Variants in GPR137C observed in about 807,000 individuals in gnomAD.
The protein encoded by GPR137C is G protein-coupled receptor 137C.
In GPR137C, 27 loss-of-function variants were observed where a neutral mutation model predicts 43.4. The ratio of observed to expected loss-of-function variants is 0.62; its 90% confidence interval spans 0.46 to 0.86. The LOEUF (loss-of-function observed/expected upper bound fraction) is 0.86, where lower values mean the gene tolerates loss of function less well. Among genes scored for constraint, GPR137C ranks in the 40% least tolerant of loss-of-function variants. The pLI is 0.00. For missense variants in GPR137C, 522 were observed against 534.6 expected (o/e 0.98, Z 0.23); for synonymous variants, 285 against 226.9 (o/e 1.26, Z -2.30).
Position 52,553,106 on chromosome 14 carries a change from C to T in GPR137C, c.-42C>T. ...CTTCGACGGCGGCTCCGAGTCCAGC[C>T]CCTTCCTTCCCGCGCTCGCTCGCCC... On this transcript the variant is annotated 5_prime_UTR_variant, in exon 1 of 7. Transcript: ENST00000321662. 1 of 1,092,542 alleles carries T rather than the reference C, an allele frequency of 9.2e-7. No homozygotes were observed. Among genetic ancestry groups the T allele is most frequent in the Non-Finnish European group, 1.1e-6 (1 of 884,650 alleles). 67.7% of individuals were successfully genotyped at this position (1,092,542 alleles called of 1,614,324 possible). A position where few individuals can be genotyped will look rare whatever the true frequency, so the allele number is the denominator to read the frequency against.
At chr14:52,609,635 G>A (rs182513359) in intron 3 of GPR137C, among the ~76,000 whole-genome samples, 275 of 152,314 alleles carry the variant, frequency 1.8e-3, no homozygotes, top group Non-Finnish European at 2.9e-3. Context: ...ACTGGAGGAC[G>A]CTCTAAGCCT....
intron 1 of GPR137C, among the ~76,000 whole-genome samples, chr14:52,589,461 A>C (rs998121450): frequency 6.6e-6 from 1 of 152,242 alleles, no homozygotes; most frequent in African/African-American, 2.4e-5. Flanking sequence ...TCAAATGAAC[A>C]GTTATCATCT....
chr14:52,560,044 C>T (rs562820547), intron 1 of GPR137C, among the ~76,000 whole-genome samples: 5 of 152,212 alleles, frequency 3.3e-5, no homozygotes, highest in Admixed American at 2.0e-4. Context: ...GTAATTCCAG[C>T]TACTTGGGAG....
In GPR137C at chr14:52,633,621, T is replaced by C; in HGVS notation, c.959T>C (p.Leu320Pro). Residue 320 changes from leucine (L) to proline (P), a missense_variant, in exon 5 of 7, where the codon CTG (leucine) becomes CCG (proline). Around this residue, in one of 3 missense-constraint regions of GPR137C, gnomAD observed 437 missense variants for 425.7 expected, o/e 1.03. Coordinates refer to ENST00000321662, the MANE Select transcript of GPR137C (RefSeq NM_001099652.2). ...WEHVPAWSVV[L>P]FFRAQRLNQN... Reference sequence around the variant, plus strand: ...CATGTGCCAGCATGGTCGGTGGTACTGTTTTTCCGGGCACAGAGATTAAAC... The same window carrying C: ...CATGTGCCAGCATGGTCGGTGGTACCGTTTTTCCGGGCACAGAGATTAAAC... 1 of 1,613,192 alleles carries C rather than the reference T, an allele frequency of 6.2e-7. No homozygotes were observed.
At chr14:52,568,898 G>A (rs1302315598) in intron 1 of GPR137C, among the ~76,000 whole-genome samples, 1 of 152,240 alleles carries the variant, frequency 6.6e-6, no homozygotes, top group Non-Finnish European at 1.5e-5. Context: ...CTGCCTGCCG[G>A]CTCTTAAGAG....
intron 1 of GPR137C, among the ~76,000 whole-genome samples, chr14:52,583,877 C>G (rs2038679987): frequency 6.6e-6 from 1 of 152,172 alleles, no homozygotes; most frequent in Admixed American, 6.5e-5. Context: ...CCCTTCATTT[C>G]TATTTGAGCC....
Position 52,598,256 on chromosome 14 carries a change from T to A in GPR137C, c.445-16T>A. 8.3e-7 allele frequency: 1 copy of A among 1,208,316 alleles called. No homozygotes were observed. The highest frequency in any genetic ancestry group is 1.1e-6 in the Non-Finnish European group (1 of 879,634). 74.8% of individuals were successfully genotyped at this position (1,208,316 alleles called of 1,614,324 possible). On this transcript the variant is annotated splice_polypyrimidine_tract_variant and intron_variant, in intron 1 of 6. Coordinates refer to ENST00000321662, the MANE Select transcript of GPR137C (RefSeq NM_001099652.2). ...TTACACGTTTTCAAAATTTTTTTTTTATATTCTCTTTATAGGTTATATGTA... is the reference window on the plus strand; with the variant it reads ...TTACACGTTTTCAAAATTTTTTTTTAATATTCTCTTTATAGGTTATATGTA...
chr14:52,606,595 C>G (rs1048428317), intron 3 of GPR137C, among the ~76,000 whole-genome samples: 27 of 152,104 alleles, frequency 1.8e-4, no homozygotes, highest in Admixed American at 1.3e-4. Flanking sequence ...TGCCACCACA[C>G]CCAGCCAATT....
At chr14:52,610,896 T>C (rs1034364151) in intron 3 of GPR137C, among the ~76,000 whole-genome samples, 2 of 152,206 alleles carry the variant, frequency 1.3e-5, no homozygotes, top group Admixed American at 6.5e-5. Context: ...CCACCATGCA[T>C]TGACTCCATT....
intron 1 of GPR137C, among the ~76,000 whole-genome samples, chr14:52,596,545 C>T (rs113791958): frequency 1.3e-5 from 2 of 152,222 alleles, no homozygotes; most frequent in Non-Finnish European, 2.9e-5. Context: ...GCCCCTCCCC[C>T]TGCTGGGCTG....
At chr14:52,630,451 A>G (rs1040496260) in intron 3 of GPR137C, among the ~76,000 whole-genome samples, 1 of 148,062 alleles carries the variant, frequency 6.8e-6, no homozygotes, top group Non-Finnish European at 1.5e-5. Context: ...ATTAACTTTT[A>G]TTAACTTTTT....
At chr14:52,615,769 C>G (rs78982285) in intron 3 of GPR137C, among the ~76,000 whole-genome samples, 1 of 152,252 alleles carries the variant, frequency 6.6e-6, no homozygotes, top group African/African-American at 2.4e-5. Context: ...ACATTGTTGA[C>G]TGTTGGCATG....
intron 1 of GPR137C, among the ~76,000 whole-genome samples, chr14:52,560,823 A>G (rs1484218482): frequency 2.0e-5 from 3 of 152,212 alleles, no homozygotes; most frequent in Non-Finnish European, 4.4e-5. Context: ...TGGAGGAGGC[A>G]AAGGTTTTGC....
chr14:52,592,843 C>T (rs527786690), intron 1 of GPR137C, among the ~76,000 whole-genome samples: 4 of 152,186 alleles, frequency 2.6e-5, no homozygotes, highest in African/African-American at 9.6e-5. Flanking sequence ...GCCTGATTGC[C>T]CTGGCCAGAA....
rs1442736810 is a variant in GPR137C, at chr14:52,585,834, C to CA, written c.445-12428dup. Among the ~76,000 whole-genome samples, 980 of 143,574 alleles carry CA rather than the reference C, an allele frequency of 6.8e-3. 11 individuals are homozygous for CA. Among genetic ancestry groups the CA allele is most frequent in the African/African-American group, 0.021 (839 of 39,116 alleles). 94.2% of individuals were successfully genotyped at this position (143,574 alleles called of 152,430 possible). On this transcript the variant is annotated intron_variant, in intron 1 of 6. Transcript: ENST00000321662. ...TGGGCGATAGAGGGAGACTCAGTCT[C>CA]AAAAAAAAAAGAAAAGAAAAGAAAA...
chr14:52,625,664 C>T (rs753172131), intron 3 of GPR137C, among the ~76,000 whole-genome samples: 1 of 147,264 alleles, frequency 6.8e-6, no homozygotes, highest in African/African-American at 2.5e-5. Context: ...ACATCATTCT[C>T]CTGCCTCAGC....
At chr14:52,561,528 A>G (rs993454118) in intron 1 of GPR137C, among the ~76,000 whole-genome samples, 1 of 152,230 alleles carries the variant, frequency 6.6e-6, no homozygotes, top group Non-Finnish European at 1.5e-5. Flanking sequence ...AAACTTGAAC[A>G]TGGATGTACA....
At chr14:52,566,553 T>A (rs1386734309) in intron 1 of GPR137C, among the ~76,000 whole-genome samples, 1 of 152,228 alleles carries the variant, frequency 6.6e-6, no homozygotes, top group Non-Finnish European at 1.5e-5. Flanking sequence ...TTAAAAAATC[T>A]ATTCTGAAAA....
chr14:52,567,816 C>T (rs1339333673), intron 1 of GPR137C, among the ~76,000 whole-genome samples: 1 of 152,084 alleles, frequency 6.6e-6, no homozygotes, highest in Non-Finnish European at 1.5e-5. Context: ...CGTGCCTCCA[C>T]GCCTGGCTAA....
Sources: allele counts gnomAD v4.1 joint callset (sites outside exome capture counted in the v4.1 genomes callset), GRCh38; gene constraint gnomAD v4.1.1; regional missense constraint gnomAD v4.1.1; transcripts MANE v1.5; gene names NCBI Gene and HGNC (gene_info 2026-07-23, HGNC 2026-07-21).